APBB2: variants seen among roughly 807,000 people sequenced by gnomAD.
The protein encoded by APBB2 is amyloid beta precursor protein binding family B member 2, also known as Fe65-like 1.
In APBB2, 38 loss-of-function variants were observed where a neutral mutation model predicts 82.5. The ratio of observed to expected loss-of-function variants is 0.46; its 90% CI spans 0.36 to 0.60. APBB2 has a LOEUF of 0.60. Ranked by LOEUF, APBB2 falls within the 20% of genes least tolerant of loss-of-function variation. The pLI is 0.00. For synonymous variants in APBB2, 341 were observed against 368.2 expected (o/e 0.93, Z 0.85); for missense variants, 772 against 972.3 (o/e 0.79, Z 2.74).
intron 1 of APBB2, among the ~76,000 whole-genome samples, chr4:41,166,031 G>A (rs549663101): frequency 8.6e-5 from 13 of 151,700 alleles, no homozygotes; most frequent in Admixed American, 1.3e-4. Flanking sequence ...CCGCCACCAC[G>A]CCCGGCTAAT....
chr4:41,041,875 T>C (rs1455612465), intron 4 of APBB2, among the ~76,000 whole-genome samples: 2 of 152,236 alleles, frequency 1.3e-5, no homozygotes, highest in Non-Finnish European at 1.5e-5. Flanking sequence ...TTTCAAGATA[T>C]AACATTAAAT....
At chr4:40,960,355 C>G (rs1177098639) in intron 6 of APBB2, among the ~76,000 whole-genome samples, 2 of 151,306 alleles carry the variant, frequency 1.3e-5, no homozygotes, top group African/African-American at 4.9e-5. Context: ...AGAGAATAGA[C>G]CCATGGGGTT....
chr4:41,013,333 G>A (rs141218222), intron 6 of APBB2, among the ~76,000 whole-genome samples: 8 of 152,230 alleles, frequency 5.3e-5, no homozygotes, highest in Non-Finnish European at 8.8e-5. Flanking sequence ...TTAACACCAA[G>A]GATCTGTTTA....
chr4:40,938,784 ATC>A (rs1237058417), intron 7 of APBB2, among the ~76,000 whole-genome samples: 4 of 152,210 alleles, frequency 2.6e-5, no homozygotes, highest in African/African-American at 9.7e-5. Context: ...AAATCATATC[ATC>A]TCTGTGTGCA....
intron 1 of APBB2, among the ~76,000 whole-genome samples, chr4:41,166,714 G>A (rs1225905975): frequency 2.0e-5 from 3 of 152,038 alleles, no homozygotes; most frequent in Admixed American, 2.0e-4. Context: ...TGACCAACAT[G>A]GTGAAACCCT....
chr4:41,154,681 T>C (rs898144732), intron 1 of APBB2, among the ~76,000 whole-genome samples: 2 of 152,230 alleles, frequency 1.3e-5, no homozygotes, highest in Non-Finnish European at 2.9e-5. Flanking sequence ...CACAGTCACT[T>C]ATACTGGTTC....
chr4:41,067,905 T>C (rs750888610), intron 3 of APBB2, among the ~76,000 whole-genome samples: 1 of 152,018 alleles, frequency 6.6e-6, no homozygotes, highest in African/African-American at 2.4e-5. Flanking sequence ...TCACAGCGCA[T>C]GGCTACAGGC....
Position 40,901,151 on chromosome 4 carries a change from C to A in APBB2, c.1255-7740G>T, listed in dbSNP as rs140460234. Among the ~76,000 whole-genome samples, 322 of 152,296 alleles carry A rather than the reference C, an allele frequency of 2.1e-3. 1 individual carries two copies. The highest frequency in any genetic ancestry group is 7.6e-3 in the African/African-American group (316 of 41,566). ...AGCAGTGTGACCCAGGTTACTCAAT[C>A]TTGGTGAGCCTCAGTTTCCTCATCT... is the stretch of plus-strand genomic sequence containing the variant. On this transcript the variant is annotated intron_variant, in intron 10 of 17. Transcript: ENST00000508593.
At chr4:40,985,653 T>C (rs1381940641) in intron 6 of APBB2, among the ~76,000 whole-genome samples, 4 of 152,200 alleles carry the variant, frequency 2.6e-5, no homozygotes, top group African/African-American at 7.2e-5. Flanking sequence ...ACCAGGTCCA[T>C]TTCAGTCATT....
chr4:40,836,600 T>A (rs17587985), intron 12 of APBB2, among the ~76,000 whole-genome samples: 2 of 151,798 alleles, frequency 1.3e-5, no homozygotes, highest in Admixed American at 1.3e-4. Flanking sequence ...GGGAAAAAAA[T>A]TGCTGGGGAA....
chr4:41,114,716 T>A (rs1750372327), intron 2 of APBB2, among the ~76,000 whole-genome samples: 1 of 152,098 alleles, frequency 6.6e-6, no homozygotes, highest in Non-Finnish European at 1.5e-5. Flanking sequence ...TGAACTCCCA[T>A]TCACAACTGC....
In APBB2 at chr4:40,838,545, C is replaced by A. The variant is rs188026859; in HGVS notation, c.1530-7968G>T. ...AGAGATGGGGTTTCACCAAGTTAGC[C>A]AGTATGGTCTCGATCTCCTGACCTC... On this transcript the variant is annotated intron_variant, in intron 12 of 17. Coordinates refer to ENST00000508593, the MANE Select transcript of APBB2 (RefSeq NM_004307.2). Among the ~76,000 whole-genome samples the A allele has an allele frequency of 1.4e-3, 219 of 152,258 alleles. 1 individual carries two copies. The highest frequency in any genetic ancestry group is 0.01 in the Middle Eastern group (3 of 294).
At chr4:41,027,382 T>C (rs1433840639) in intron 5 of APBB2, among the ~76,000 whole-genome samples, 1 of 55,716 alleles carries the variant, frequency 1.8e-5, no homozygotes, top group African/African-American at 6.7e-5. Flanking sequence ...TATATATATA[T>C]ATATATATAT....
rs1422011645 is a variant in APBB2 at position 41,019,973 on chromosome 4, C to CAGAGACAGAGAGAGGA, written c.20-5591_20-5576dup. 1.8e-4 allele frequency among the ~76,000 whole-genome samples: 27 copies of CAGAGACAGAGAGAGGA among 150,408 alleles called. No individual in the cohort carries two copies. In the East Asian group the frequency reaches 4.7e-3, roughly 26 times the overall value. ...GAGTCGAAGAGAGAGGAGGGAAAGA[C>CAGAGACAGAGAGAGGA]AGAGACAGAGAGAGGAAGAGACAGA... is the stretch of plus-strand genomic sequence containing the variant. On this transcript the variant is annotated intron_variant, in intron 5 of 17. Transcript: ENST00000508593.
chr4:41,200,105 C>T (rs951877250), intron 1 of APBB2, among the ~76,000 whole-genome samples: 6 of 152,196 alleles, frequency 3.9e-5, no homozygotes, highest in African/African-American at 1.2e-4. Context: ...GAATATATTA[C>T]GCTAGCATCA....
chr4:41,046,550 A>G (rs757398125), intron 4 of APBB2, among the ~76,000 whole-genome samples: 11 of 152,234 alleles, frequency 7.2e-5, no homozygotes, highest in Non-Finnish European at 1.3e-4. Context: ...TAGAGAAAAC[A>G]TAAGAGATGA....
At chr4:41,104,402 T>C (rs996628604) in intron 2 of APBB2, among the ~76,000 whole-genome samples, 2 of 152,204 alleles carry the variant, frequency 1.3e-5, no homozygotes, top group African/African-American at 2.4e-5. Context: ...TTGGGACAAC[T>C]TGGCCACCAC....
intron 4 of APBB2, among the ~76,000 whole-genome samples, chr4:41,051,494 T>C (rs1725918440): frequency 6.6e-6 from 1 of 152,230 alleles, no homozygotes; most frequent in Non-Finnish European, 1.5e-5. Flanking sequence ...TCAACTTCCC[T>C]AACTGGGTTA....
intron 2 of APBB2, among the ~76,000 whole-genome samples, chr4:41,125,085 G>C (rs1048582094): frequency 6.6e-6 from 1 of 152,184 alleles, no homozygotes; most frequent in Admixed American, 6.5e-5. Context: ...CCTGGAATGA[G>C]AACTATTTTG....
Sources: allele counts gnomAD v4.1 joint callset (sites outside exome capture counted in the v4.1 genomes callset), GRCh38; gene constraint gnomAD v4.1.1; transcripts MANE v1.5; gene names NCBI Gene and HGNC (gene_info 2026-07-23, HGNC 2026-07-21).